NPC1: variants seen among roughly 807,000 people sequenced by gnomAD.
NPC1 encodes NPC intracellular cholesterol transporter 1, also known as Niemann-Pick C1 protein.
In NPC1, 85 loss-of-function variants were observed where a neutral mutation model predicts 140.4. The ratio of observed to expected loss-of-function variants is 0.61; its 90% CI spans 0.51 to 0.72. The LOEUF is 0.72. NPC1 is among the 30% of genes least tolerant of loss of function. The pLI, the probability that NPC1 is intolerant of heterozygous loss-of-function variation, is 0.00. For missense variants in NPC1, 1,504 were observed against 1,623.8 expected (o/e 0.93, Z 1.27); for synonymous variants, 656 against 624.8 (o/e 1.05, Z -0.74).
chr18:23,529,564 G>A (rs1384132865), downstream of NPC1: 1 of 1,395,426 alleles, frequency 7.2e-7, no homozygotes, highest in African/African-American at 1.4e-5. Flanking sequence ...GGTGGGGGTT[G>A]GATAGAGAGT....
chr18:23,573,356 T>C (rs2059230424), intron 2 of NPC1, 96 bp downstream of exon 2: 2 of 1,553,110 alleles, frequency 1.3e-6, no homozygotes, highest in Admixed American at 3.3e-5. Context: ...GTTAGTCTCA[T>C]CTCCACCTCC....
intron 1 of NPC1, chr18:23,524,082 C>G (rs979727154): frequency 1.9e-6 from 3 of 1,595,930 alleles, no homozygotes; most frequent in Non-Finnish European, 2.6e-6. Context: ...CCAGCATTTG[C>G]AGCATTTTCT....
chr18:23,572,227 T>C (rs1208653789), intron 2 of NPC1, 47 bp from the exon 3 acceptor site: 15 of 1,304,352 alleles, frequency 1.2e-5, no homozygotes, highest in Non-Finnish European at 1.7e-5. Context: ...ACAGTTAGAG[T>C]AAGGTCAACA....
At chr18:23,528,799 A>G (rs941454216), downstream of NPC1, 2 of 172,844 alleles carry the variant, frequency 1.2e-5, no homozygotes, top group African/African-American at 4.8e-5. Flanking sequence ...GACCAGCCAC[A>G]TGAGCAGCAT....
At position 23,544,940 on chromosome 18, in the gene NPC1, A is replaced by ACCCCCCCCCCCCCCCCCCCCCCCCCCCCC. The variant is rs770879191; in HGVS notation, c.1947+19_1947+20insGGGGGGGGGGGGGGGGGGGGGGGGGGGGG. ...ACTGCTGTTAACCTCTAGAACATACACCACCCCCCCCCGGCTTACCAGAAG... is the reference window on the plus strand; with the variant it reads ...ACTGCTGTTAACCTCTAGAACATACACCCCCCCCCCCCCCCCCCCCCCCCCCCCCCCACCCCCCCCCGGCTTACCAGAAG... On this transcript the variant is annotated intron_variant, in intron 12 of 24. Coordinates refer to ENST00000269228, the MANE Select transcript of NPC1 (RefSeq NM_000271.5). 1 of 1,204,032 alleles carries ACCCCCCCCCCCCCCCCCCCCCCCCCCCCC rather than the reference A, an allele frequency of 8.3e-7. No individual in the cohort carries two copies. The highest frequency in any genetic ancestry group is 1.2e-6 in the Non-Finnish European group (1 of 858,374). 74.6% of individuals were successfully genotyped at this position (1,204,032 alleles called of 1,614,324 possible). A position where few individuals can be genotyped will look rare whatever the true frequency, so the allele number is the denominator to read the frequency against.
At chr18:23,511,894 G>A (rs969368465) in intron 3 of NPC1, among the ~76,000 whole-genome samples, 1 of 151,816 alleles carries the variant, frequency 6.6e-6, no homozygotes, top group African/African-American at 2.4e-5. Context: ...AACCAGTATC[G>A]CCAAATTTCT....
downstream of NPC1, chr18:23,529,451 TCTAATGCTGAGGC>T (rs1205028328): frequency 1.5e-6 from 2 of 1,340,482 alleles, no homozygotes; most frequent in African/African-American, 3.0e-5. Flanking sequence ...TAGTTTGGCT[TCTAATGCTGAGGC>T]CTAAAGCATA....
chr18:23,525,445 A>G (rs188910724), downstream of NPC1, among the ~76,000 whole-genome samples: 8 of 152,002 alleles, frequency 5.3e-5, no homozygotes, highest in African/African-American at 1.2e-4. Flanking sequence ...AATTATTTTG[A>G]GACGGAATCT....
At chr18:23,578,158 A>G (rs1197342663) in intron 1 of NPC1, among the ~76,000 whole-genome samples, 1 of 152,232 alleles carries the variant, frequency 6.6e-6, no homozygotes, top group Non-Finnish European at 1.5e-5. Context: ...GAGAGCAAGC[A>G]AGGGCTCTGA....
At chr18:23,527,433 T>C (rs1457675788), downstream of NPC1, among the ~76,000 whole-genome samples, 13 of 151,552 alleles carry the variant, frequency 8.6e-5, no homozygotes, top group African/African-American at 3.2e-4. Context: ...CCTACCAATA[T>C]GTGCTGTTGG....
intron 4 of NPC1, among the ~76,000 whole-genome samples, chr18:23,564,825 T>G (rs2059099164): frequency 6.6e-6 from 1 of 152,224 alleles, no homozygotes; most frequent in Non-Finnish European, 1.5e-5. Context: ...TCGATCCACT[T>G]TGAGTTAATT....
rs77289650 is a variant in NPC1 at position 23,541,438 on chromosome 18, C to G, written c.2246-5G>C. The G allele has an allele frequency of 1.9e-5, 31 of 1,614,148 alleles. No homozygotes were observed. In the African/African-American group the frequency reaches 3.7e-4, roughly 19 times the overall value. ...CTGGCATCACGGACAATGCTCCTGTCGGGGAGAGAAGGGCTCTGCGTCACT... is the reference window on the plus strand; with the variant it reads ...CTGGCATCACGGACAATGCTCCTGTGGGGGAGAGAAGGGCTCTGCGTCACT... On this transcript the variant is annotated splice_region_variant and splice_polypyrimidine_tract_variant and intron_variant, in intron 14 of 24. Transcript: ENST00000269228.
intron 20 of NPC1, among the ~76,000 whole-genome samples, chr18:23,538,022 A>G (rs180971910): frequency 2.6e-5 from 4 of 152,314 alleles, no homozygotes; most frequent in Middle Eastern, 3.4e-3. Context: ...TTTGGGCCAT[A>G]TATCTGGCTT....
At chr18:23,561,606 T>C in intron 4 of NPC1, 79 bp from the exon 5 acceptor site, 9 of 1,445,468 alleles carry the variant, frequency 6.2e-6, no homozygotes, top group South Asian at 4.6e-5. Flanking sequence ...AAAAGGCCTC[T>C]TGAAGGGAAA....
intron 1 of NPC1, among the ~76,000 whole-genome samples, chr18:23,583,106 C>CAAA (rs3083464): frequency 0.017 from 1,856 of 109,574 alleles, 49 homozygotes; most frequent in Non-Finnish European, 0.022. Context: ...GACCCTGTTT[C>CAAA]AAAAAAAAAA....
rs747013933 is a variant in NPC1, at chr18:23,531,621, C to T, written c.*581G>A. ...AACTGGCAATTAAATCTCTTCCTTT[C>T]TAGGGGAACACTGTGAAGAACATGT... On this transcript the variant is annotated 3_prime_UTR_variant, in exon 25 of 25. Coordinates refer to ENST00000269228, the MANE Select transcript of NPC1 (RefSeq NM_000271.5). 18 of 1,610,538 alleles carry T rather than the reference C, an allele frequency of 1.1e-5. No homozygotes were observed. The highest frequency in any genetic ancestry group is 1.7e-5 in the Admixed American group (1 of 59,240).
At chr18:23,532,670 T>C (rs910554574) in intron 24 of NPC1, among the ~76,000 whole-genome samples, 13 of 149,876 alleles carry the variant, frequency 8.7e-5, no homozygotes, top group African/African-American at 3.2e-4. Flanking sequence ...GATTCTCCTG[T>C]CTCAGCCTTC....
rs756031343 is a variant in NPC1 at position 23,532,188 on chromosome 18, G to A, written c.*14C>T. The A allele has an allele frequency of 1.2e-5, 20 of 1,614,040 alleles. No homozygotes were observed. Among genetic ancestry groups the A allele is most frequent in the Non-Finnish European group, 1.6e-5 (19 of 1,180,044 alleles). ...CCCTTAGACACAGTTCAGTCAGGAT[G>A]CCCTGCGAGAGGGCTAGAAATTTAG... On this transcript the variant is annotated 3_prime_UTR_variant, in exon 25 of 25. Coordinates refer to ENST00000269228, the MANE Select transcript of NPC1 (RefSeq NM_000271.5).
Position 23,543,503 on chromosome 18 carries a change from G to C in NPC1, c.2197C>G (p.Pro733Ala). 1 of 1,612,956 alleles carries C rather than the reference G, an allele frequency of 6.2e-7. No individual in the cohort carries two copies. The highest frequency in any genetic ancestry group is 8.5e-7 in the Non-Finnish European group (1 of 1,179,528). Residue 733 changes from proline to alanine, a missense_variant, in exon 14 of 25, where the codon CCC becomes GCC. Physicochemically the swap from Pro to Ala is conservative, Grantham distance 27. Transcript: ENST00000269228. ...QLGRVLGEVA[P>A]SMFLSSFSET... The stretch of plus-strand genomic sequence containing the variant: ...GAAAAGGATGACAGGAACATACTGG[G>C]AGCCACTTCTCCTAGGACCCTGCCC...
Sources: allele counts gnomAD v4.1 joint callset (sites outside exome capture counted in the v4.1 genomes callset), GRCh38; gene constraint gnomAD v4.1.1; transcripts MANE v1.5; gene names NCBI Gene and HGNC (gene_info 2026-07-23, HGNC 2026-07-21).